PKP2: variants seen among roughly 807,000 people sequenced by gnomAD.
PKP2 encodes the protein plakophilin-2.
Under a neutral mutation model 83.4 loss-of-function variants are expected in PKP2, and 73 were observed. The observed-to-expected ratio is 0.88, with a 90% confidence interval of 0.72 to 1.06. PKP2 has a LOEUF of 1.06. PKP2 is among the 50% of genes least tolerant of loss of function. The pLI is 0.00. For synonymous variants in PKP2, 409 were observed against 430.4 expected (o/e 0.95, Z 0.62); for missense variants, 966 against 1,065.4 (o/e 0.91, Z 1.30).
At chr12:32,794,245 G>A (rs1956101168) in intron 11 of PKP2, among the ~76,000 whole-genome samples, 1 of 152,102 alleles carries the variant, frequency 6.6e-6, no homozygotes, top group Non-Finnish European at 1.5e-5. Context: ...AAAGTGATGG[G>A]TCTCTAATAT....
At chr12:32,869,124 G>T in intron 3 of PKP2, 62 bp from the exon 4 acceptor site, 1 of 1,596,128 alleles carries the variant, frequency 6.3e-7, no homozygotes, top group South Asian at 1.1e-5. Flanking sequence ...CTACCAACCT[G>T]GTCCTCCAGA....
At chr12:32,890,836 T>C (rs1957070221) in intron 1 of PKP2, among the ~76,000 whole-genome samples, 1 of 151,454 alleles carries the variant, frequency 6.6e-6, no homozygotes, top group African/African-American at 2.4e-5. Context: ...GGCGGGTGCC[T>C]GTAATCCCAG....
At chr12:32,811,970 T>G (rs886903591) in intron 9 of PKP2, among the ~76,000 whole-genome samples, 1 of 152,170 alleles carries the variant, frequency 6.6e-6, no homozygotes, top group Non-Finnish European at 1.5e-5. Flanking sequence ...TGGCTCCATG[T>G]GGGGCATTGT....
chr12:32,817,049 T>G (rs1956326729), intron 9 of PKP2, among the ~76,000 whole-genome samples: 1 of 152,238 alleles, frequency 6.6e-6, no homozygotes. Flanking sequence ...GTCTGTTTAC[T>G]CTGTTGATAG....
At chr12:32,799,615 G>T (rs976137779) in intron 10 of PKP2, among the ~76,000 whole-genome samples, 1 of 152,154 alleles carries the variant, frequency 6.6e-6, no homozygotes, top group African/African-American at 2.4e-5. Flanking sequence ...TAAAAAGAAA[G>T]ACATAATGGC....
At chr12:32,880,348 C>T (rs996119278) in intron 1 of PKP2, among the ~76,000 whole-genome samples, 2 of 151,830 alleles carry the variant, frequency 1.3e-5, no homozygotes, top group East Asian at 1.9e-4. Context: ...TGCAGTGAGC[C>T]GAGATAGCGC....
In PKP2 at chr12:32,885,421, A is replaced by G. The variant is rs571756247; in HGVS notation, c.224-6389T>C. ...GTAATCCCAGCACTTTGGGAGGCCA[A>G]GGTGGGCAGATCACTTGAGGTCAGG... On this transcript the variant is annotated intron_variant, in intron 1 of 12. Coordinates refer to ENST00000340811, the MANE Select transcript of PKP2 (RefSeq NM_001005242.3). Among the ~76,000 whole-genome samples, 5 of 152,338 alleles carry G rather than the reference A, an allele frequency of 3.3e-5. No individual in the cohort carries two copies. In the East Asian group the frequency reaches 7.7e-4, roughly 23 times the overall value.
chr12:32,868,496 C>T (rs557538457), intron 4 of PKP2, among the ~76,000 whole-genome samples: 5 of 151,684 alleles, frequency 3.3e-5, no homozygotes, highest in Admixed American at 1.3e-4. Context: ...GGATTACAGG[C>T]GTGAGCCACT....
Position 32,869,780 on chromosome 12 carries a change from G to A in PKP2, c.1035-718C>T, listed in dbSNP as rs544309908. 5.9e-5 allele frequency among the ~76,000 whole-genome samples: 9 copies of A among 152,256 alleles called. No homozygotes were observed. The East Asian group carries it at 1.2e-3, about 20-fold the overall frequency. Reference sequence around the variant, plus strand: ...CACATCTGTAATCCCAGCACTTTGCGAGGGCAAGGCAGGAGGATTGCCTGA... The same window carrying A: ...CACATCTGTAATCCCAGCACTTTGCAAGGGCAAGGCAGGAGGATTGCCTGA... On this transcript the variant is annotated intron_variant, in intron 3 of 12. Transcript: ENST00000340811.
intron 5 of PKP2, among the ~76,000 whole-genome samples, chr12:32,846,176 C>A (rs978305919): frequency 6.6e-6 from 1 of 152,076 alleles, no homozygotes; most frequent in Non-Finnish European, 1.5e-5. Context: ...CATGACTTGT[C>A]CGTTTTAATC....
chr12:32,821,011 G>A, intron 9 of PKP2: 2 of 301,640 alleles, frequency 6.6e-6, no homozygotes, highest in South Asian at 6.6e-5. Context: ...GATGAAGAAA[G>A]TCAACTGTAA....
intron 9 of PKP2, among the ~76,000 whole-genome samples, chr12:32,815,627 T>C (rs1478243955): frequency 1.3e-5 from 2 of 152,236 alleles, no homozygotes; most frequent in African/African-American, 4.8e-5. Context: ...AATTTTTGTT[T>C]TCTTTTAAAA....
At chr12:32,813,078 A>C (rs1758660524) in intron 9 of PKP2, among the ~76,000 whole-genome samples, 1 of 152,244 alleles carries the variant, frequency 6.6e-6, no homozygotes, top group Non-Finnish European at 1.5e-5. Context: ...CAGTTTTCAA[A>C]ACCAATTCAT....
intron 9 of PKP2, among the ~76,000 whole-genome samples, chr12:32,816,627 TGGTA>T (rs1334188240): frequency 3.3e-5 from 5 of 152,230 alleles, no homozygotes; most frequent in Non-Finnish European, 7.3e-5. Context: ...CTGGGTGGAA[TGGTA>T]GCTCTGTTTT....
intron 10 of PKP2, among the ~76,000 whole-genome samples, chr12:32,796,905 C>T (rs1053764369): frequency 6.6e-6 from 1 of 152,026 alleles, no homozygotes; most frequent in African/African-American, 2.4e-5. Context: ...TCTAGGAATA[C>T]ATCTTAAAAA....
intron 10 of PKP2, among the ~76,000 whole-genome samples, chr12:32,798,649 A>C (rs898676407): frequency 2.0e-5 from 3 of 152,216 alleles, no homozygotes; most frequent in African/African-American, 7.2e-5. Flanking sequence ...CAAAAACATT[A>C]AGTGGGGAAA....
intron 10 of PKP2, among the ~76,000 whole-genome samples, chr12:32,797,445 CAA>C (rs548021913): frequency 1.0e-4 from 7 of 67,140 alleles, no homozygotes; most frequent in Admixed American, 2.0e-4. Flanking sequence ...GACCCTGTCT[CAA>C]AAAAAAAAAA....
intron 3 of PKP2, among the ~76,000 whole-genome samples, chr12:32,872,332 A>G (rs1194621807): frequency 6.6e-6 from 1 of 152,142 alleles, no homozygotes; most frequent in African/African-American, 2.4e-5. Flanking sequence ...CAGGAGTTTA[A>G]GGCCAGCCTG....
At chr12:32,841,736 C>T (rs1036342296) in intron 5 of PKP2, among the ~76,000 whole-genome samples, 6 of 152,216 alleles carry the variant, frequency 3.9e-5, no homozygotes, top group African/African-American at 1.4e-4. Flanking sequence ...TGCAGAAAGC[C>T]TTTCTCCATG....
Sources: allele counts gnomAD v4.1 joint callset (sites outside exome capture counted in the v4.1 genomes callset), GRCh38; gene constraint gnomAD v4.1.1; transcripts MANE v1.5; gene names NCBI Gene and HGNC (gene_info 2026-07-23, HGNC 2026-07-21).